The following CSMD1 variants were observed in gnomAD, a reference collection of about 807,000 sequenced individuals.
CSMD1 encodes the protein CUB and sushi domain-containing protein 1.
Under a neutral mutation model 417.5 loss-of-function variants are expected in CSMD1, and 213 were observed. That is an observed-to-expected ratio of 0.51 (90% CI 0.46 to 0.57). The LOEUF (loss-of-function observed/expected upper bound fraction) is 0.57, where lower values mean the gene tolerates loss of function less well. Among genes scored for constraint, CSMD1 ranks in the 20% least tolerant of loss-of-function variants. The probability of loss-of-function intolerance (pLI) is 0.00; values close to 1 mark genes in which losing one functional copy is unlikely to be tolerated. For synonymous variants in CSMD1, 2,862 were observed against 1,736.8 expected, an observed-to-expected ratio of 1.65 and a Z score of -16.11; for missense variants, 6,923 against 4,529.7, an observed-to-expected ratio of 1.53 and a Z score of -15.17.
At chr8:4,152,967 C>A (rs1265071872) in intron 3 of CSMD1, among the ~76,000 whole-genome samples, 2 of 152,138 alleles carry the variant, frequency 1.3e-5, no homozygotes, top group Non-Finnish European at 2.9e-5. Flanking sequence ...TATTTGCCTT[C>A]ATTTTTCTGC....
At chr8:4,725,241 G>A (rs946643329) in intron 1 of CSMD1, among the ~76,000 whole-genome samples, 2 of 152,088 alleles carry the variant, frequency 1.3e-5, no homozygotes, top group Non-Finnish European at 2.9e-5. Context: ...TTAGTATCAC[G>A]AGCAAAGTAT....
chr8:4,976,708 T>C (rs7007684), intron 1 of CSMD1, among the ~76,000 whole-genome samples: 69,716 of 152,098 alleles, frequency 0.46, 20,019 homozygotes, highest in African/African-American at 0.82. Flanking sequence ...TGTTTTAATA[T>C]ACCCCATGCC....
chr8:4,494,691 G>A (rs1801891808), intron 2 of CSMD1, among the ~76,000 whole-genome samples: 2 of 152,098 alleles, frequency 1.3e-5, no homozygotes, highest in South Asian at 4.1e-4. Flanking sequence ...TAAAAAAAAA[G>A]AAGCCTTTGA....
intron 7 of CSMD1, among the ~76,000 whole-genome samples, chr8:3,701,001 G>A (rs1800832970): frequency 1.3e-5 from 2 of 150,994 alleles, no homozygotes; most frequent in African/African-American, 4.9e-5. Context: ...CGGTGGTTTG[G>A]GGGTAACGAG....
chr8:3,825,476 C>G (rs565875046), intron 5 of CSMD1, among the ~76,000 whole-genome samples: 22 of 152,076 alleles, frequency 1.4e-4, no homozygotes, highest in African/African-American at 5.3e-4. Context: ...TTGCAGTGAG[C>G]CAAGATAAAC....
chr8:3,418,959 A>C (rs1325639728), intron 12 of CSMD1, among the ~76,000 whole-genome samples: 1 of 152,236 alleles, frequency 6.6e-6, no homozygotes, highest in Non-Finnish European at 1.5e-5. Context: ...TACTTTCCAG[A>C]ATTAATTAGT....
intron 3 of CSMD1, among the ~76,000 whole-genome samples, chr8:4,328,893 A>C (rs1347636483): frequency 6.6e-6 from 1 of 152,222 alleles, no homozygotes; most frequent in East Asian, 1.9e-4. Context: ...CATAACATTC[A>C]TTTGTATATA....
chr8:4,273,811 T>C (rs951097596), intron 3 of CSMD1, among the ~76,000 whole-genome samples: 3 of 152,176 alleles, frequency 2.0e-5, no homozygotes, highest in African/African-American at 7.2e-5. Flanking sequence ...GTGAAACCTG[T>C]ACTGGTCACT....
chr8:3,179,417 TTAAA>T (rs1821168817), intron 37 of CSMD1, among the ~76,000 whole-genome samples: 2 of 152,256 alleles, frequency 1.3e-5, no homozygotes, highest in South Asian at 4.1e-4. Flanking sequence ...AAAAAATACA[TTAAA>T]TAATTAAACA....
chr8:3,037,885 A>G (rs76975206), intron 50 of CSMD1, among the ~76,000 whole-genome samples: 49 of 152,198 alleles, frequency 3.2e-4, no homozygotes, highest in African/African-American at 9.9e-4. Context: ...AAGATTTCCA[A>G]CTGAATCTAG....
intron 4 of CSMD1, among the ~76,000 whole-genome samples, chr8:4,023,679 A>G (rs1032904152): frequency 6.9e-6 from 1 of 143,936 alleles, no homozygotes; most frequent in Non-Finnish European, 1.5e-5. Flanking sequence ...CTCCGCCTCC[A>G]GGGTTCACGC....
At chr8:4,340,020 C>T (rs1473152705) in intron 3 of CSMD1, among the ~76,000 whole-genome samples, 9 of 152,010 alleles carry the variant, frequency 5.9e-5, no homozygotes, top group Non-Finnish European at 2.9e-5. Context: ...CCAGGCACTT[C>T]TAGCGAAAAT....
At chr8:4,827,800 TG>T (rs1799923703) in intron 1 of CSMD1, among the ~76,000 whole-genome samples, 1 of 152,306 alleles carries the variant, frequency 6.6e-6, no homozygotes, top group South Asian at 2.1e-4. Flanking sequence ...CTTAAACCCC[TG>T]GAAAATTTTT....
chr8:3,403,474 T>G (rs1009615500), intron 15 of CSMD1, among the ~76,000 whole-genome samples: 11 of 152,220 alleles, frequency 7.2e-5, no homozygotes, highest in Non-Finnish European at 1.3e-4. Context: ...TTTTAACATC[T>G]TTTCCTATTA....
chr8:4,473,881 G>C lies in CSMD1; in HGVS notation c.303-53816C>G, dbSNP rs138687697. 1.2e-3 allele frequency among the ~76,000 whole-genome samples: 176 copies of C among 152,150 alleles called. 3 individuals are homozygous for C. Among genetic ancestry groups the C allele is most frequent in the African/African-American group, 4.1e-3 (169 of 41,526 alleles). ...ATATAAGAATTTAATATATGAGAGA[G>C]GTAGCTTTTCAAATCAGTGAAAAAG... On this transcript the variant is annotated intron_variant, in intron 2 of 69. Coordinates refer to ENST00000635120, the MANE Select transcript of CSMD1 (RefSeq NM_033225.6).
intron 7 of CSMD1, among the ~76,000 whole-genome samples, chr8:3,676,226 T>C (rs1185569149): frequency 6.6e-6 from 1 of 152,250 alleles, no homozygotes; most frequent in African/African-American, 2.4e-5. Context: ...AAGTAAATAC[T>C]AACCTTGGGG....
At chr8:3,293,276 A>G (rs140164896) in intron 25 of CSMD1, among the ~76,000 whole-genome samples, 1 of 151,810 alleles carries the variant, frequency 6.6e-6, no homozygotes, top group East Asian at 1.9e-4. Flanking sequence ...CTTCATTTCA[A>G]CTTTGGTGAA....
At chr8:3,342,789 C>T (rs182827797) in intron 23 of CSMD1, among the ~76,000 whole-genome samples, 132 of 152,150 alleles carry the variant, frequency 8.7e-4, no homozygotes, top group African/African-American at 3.0e-3. Flanking sequence ...TTAGTTCTCT[C>T]GTCTCAAAAA....
chr8:2,986,708 G>C (rs986719568), intron 54 of CSMD1, among the ~76,000 whole-genome samples: 1 of 152,030 alleles, frequency 6.6e-6, no homozygotes, highest in African/African-American at 2.4e-5. Context: ...TTTTCACTCT[G>C]TTAGCCAGGA....
Sources: gnomAD v4.1 joint callset for allele counts (sites outside exome capture counted in the v4.1 genomes callset) on GRCh38, gnomAD v4.1.1 for gene constraint, MANE v1.5 for transcripts, NCBI Gene and HGNC (gene_info 2026-07-23, HGNC 2026-07-21) for gene names.